TBC1D14: variants seen among roughly 807,000 people sequenced by gnomAD.
The protein encoded by TBC1D14 is TBC1 domain family, member 14.
In TBC1D14, 26 loss-of-function variants were observed where a neutral mutation model predicts 79.0. The observed-to-expected ratio is 0.33, with a 90% CI of 0.24 to 0.46. The LOEUF is 0.46. Among genes scored for constraint, TBC1D14 ranks in the 20% least tolerant of loss-of-function variants. TBC1D14 has a pLI of 1.00. For missense variants in TBC1D14, 769 were observed against 887.6 expected (o/e 0.87, Z 1.70); for synonymous variants, 394 against 349.9 (o/e 1.13, Z -1.40).
intron 1 of TBC1D14, among the ~76,000 whole-genome samples, chr4:6,919,845 T>G (rs1424724516): frequency 6.6e-6 from 1 of 152,158 alleles, no homozygotes; most frequent in Non-Finnish European, 1.5e-5. Flanking sequence ...GGTCTCAAAC[T>G]CCTGACTTCG....
chr4:7,002,944 T>G (rs987484839), intron 7 of TBC1D14, among the ~76,000 whole-genome samples: 1 of 152,140 alleles, frequency 6.6e-6, no homozygotes, highest in Non-Finnish European at 1.5e-5. Context: ...TGTGCCCAGG[T>G]CTCTGGCTCG....
At chr4:6,947,908 C>A (rs972294711) in intron 2 of TBC1D14, among the ~76,000 whole-genome samples, 3 of 152,064 alleles carry the variant, frequency 2.0e-5, no homozygotes, top group Non-Finnish European at 4.4e-5. Context: ...TTATGTCAGA[C>A]CTTGGGGATA....
At chr4:7,029,741 C>T (rs1357369796) in intron 13 of TBC1D14, among the ~76,000 whole-genome samples, 2 of 152,230 alleles carry the variant, frequency 1.3e-5, no homozygotes, top group African/African-American at 4.8e-5. Context: ...AGAAGAATCT[C>T]TTGAACCCGG....
chr4:6,999,892 C>T (rs1329214017), intron 6 of TBC1D14, among the ~76,000 whole-genome samples: 1 of 152,116 alleles, frequency 6.6e-6, no homozygotes, highest in Non-Finnish European at 1.5e-5. Flanking sequence ...CTCTTTACAT[C>T]TGAGGGGCAG....
chr4:6,999,128 A>T lies in TBC1D14; in HGVS notation c.1089A>T (p.Arg363Ser), dbSNP rs756692114. The change falls in exon 6 of 14, where the codon AGA becomes AGT. Residue 363 changes from arginine (R) to serine (S), a missense_variant. By Grantham distance (110) the Arg-to-Ser change is moderately radical (BLOSUM62 -1). Coordinates refer to ENST00000409757, the MANE Select transcript of TBC1D14 (RefSeq NM_020773.3). Reference sequence around the variant, plus strand: ...GAAGGAAGAAGCAGCTGGAAGAAAGATGCAGAGTCGAGGAAAGCATTGGAA... The same window carrying T: ...GAAGGAAGAAGCAGCTGGAAGAAAGTTGCAGAGTCGAGGAAAGCATTGGAA... ...AQRRKKQLEERCRVEESIGNA... is the reference protein window; with the variant it reads ...AQRRKKQLEESCRVEESIGNA... 7 of 1,614,208 alleles carry T rather than the reference A, an allele frequency of 4.3e-6. No individual in the cohort carries two copies. The highest frequency in any genetic ancestry group is 5.9e-6 in the Non-Finnish European group (7 of 1,180,022).
chr4:6,933,240 T>C lies in TBC1D14; in HGVS notation c.722+9129T>C, dbSNP rs1289349499. ...TGTGTAAGGCTCATTGAGAATTACC[T>C]CCCCTCCCCTCCCCTCCCCTCCCCT... On this transcript the variant is annotated intron_variant, in intron 2 of 13. Transcript: ENST00000409757. Among the ~76,000 whole-genome samples the C allele has an allele frequency of 1.2e-3, 12 of 10,294 alleles. 1 individual carries two copies. The highest frequency in any genetic ancestry group is 9.0e-3 in the East Asian group (3 of 334). 6.8% of individuals were successfully genotyped at this position (10,294 alleles called of 152,430 possible).
At chr4:7,029,980 G>A (rs561514939) in intron 13 of TBC1D14, among the ~76,000 whole-genome samples, 1 of 152,332 alleles carries the variant, frequency 6.6e-6, no homozygotes, top group Admixed American at 6.5e-5. Flanking sequence ...GGTGGCAGGA[G>A]TGCAGCGGGA....
intron 12 of TBC1D14, among the ~76,000 whole-genome samples, chr4:7,024,127 C>T (rs1713330477): frequency 6.6e-6 from 1 of 152,168 alleles, no homozygotes; most frequent in Non-Finnish European, 1.5e-5. Flanking sequence ...GAACCCATGC[C>T]CCTGTCACTT....
At chr4:7,024,854 C>A in intron 12 of TBC1D14, 150 bp from the exon 13 acceptor site, 1 of 970,266 alleles carries the variant, frequency 1.0e-6, no homozygotes, top group Non-Finnish European at 1.6e-6. Context: ...TAGAATTACC[C>A]TTCAGTGTGA....
In TBC1D14 at chr4:6,940,441, G is replaced by C. The variant is rs190349398; in HGVS notation, c.722+16330G>C. Among the ~76,000 whole-genome samples the C allele has an allele frequency of 2.7e-3, 404 of 152,288 alleles. 3 individuals carry two copies. The highest frequency in any genetic ancestry group is 8.3e-3 in the African/African-American group (344 of 41,558). On this transcript the variant is annotated intron_variant, in intron 2 of 13. Coordinates refer to ENST00000409757, the MANE Select transcript of TBC1D14 (RefSeq NM_020773.3). ...CAGAAAGAACCGCCCTCAGGGCTCC[G>C]GGGAAGGGGAAGGAAACCCAGGCCA...
intron 11 of TBC1D14, among the ~76,000 whole-genome samples, chr4:7,013,923 G>A (rs928210739): frequency 4.6e-5 from 7 of 152,136 alleles, no homozygotes; most frequent in East Asian, 1.9e-4. Flanking sequence ...TTTCGTTTTC[G>A]TATTTTTAAT....
At chr4:7,016,627 A>T (rs368386894) in intron 12 of TBC1D14, among the ~76,000 whole-genome samples, 1 of 152,248 alleles carries the variant, frequency 6.6e-6, no homozygotes, top group East Asian at 1.9e-4. Flanking sequence ...TTGTGACCCA[A>T]TGTGTGCAGA....
At chr4:6,998,376 G>A (rs1183117792) in intron 5 of TBC1D14, among the ~76,000 whole-genome samples, 1 of 147,682 alleles carries the variant, frequency 6.8e-6, no homozygotes, top group East Asian at 2.0e-4. Context: ...AAAAAAAAAA[G>A]CAGTGCTCGA....
chr4:6,981,503 C>T (rs182926299), intron 3 of TBC1D14, among the ~76,000 whole-genome samples: 41 of 152,296 alleles, frequency 2.7e-4, no homozygotes, highest in Admixed American at 1.8e-3. Context: ...GAGAAGAAGA[C>T]GGAGTACGTA....
At chr4:6,940,833 G>A (rs922821069) in intron 2 of TBC1D14, among the ~76,000 whole-genome samples, 1 of 152,184 alleles carries the variant, frequency 6.6e-6, no homozygotes. Flanking sequence ...GCTGTGCTTG[G>A]GAAGTGCCTG....
At chr4:6,987,124 C>G in intron 3 of TBC1D14, 3 of 1,191,438 alleles carry the variant, frequency 2.5e-6, no homozygotes, top group Non-Finnish European at 2.1e-6. Context: ...GCCCCGCCCC[C>G]TTGGGAGTCT....
chr4:7,008,983 A>G (rs751895063), intron 9 of TBC1D14, among the ~76,000 whole-genome samples: 1 of 151,824 alleles, frequency 6.6e-6, no homozygotes, highest in African/African-American at 2.4e-5. Context: ...TCTCATTGCT[A>G]TTTTTCCTTT....
At chr4:6,978,731 GATCA>G (rs746572112) in intron 3 of TBC1D14, among the ~76,000 whole-genome samples, 203 of 111,852 alleles carry the variant, frequency 1.8e-3, no homozygotes, top group Non-Finnish European at 2.5e-3. Context: ...ACCCAAGAAT[GATCA>G]ATTAAAAAAA....
chr4:6,937,095 T>A (rs954033602), intron 2 of TBC1D14, among the ~76,000 whole-genome samples: 4 of 152,210 alleles, frequency 2.6e-5, no homozygotes, highest in Non-Finnish European at 4.4e-5. Context: ...TTTTGTATTT[T>A]TAGTAGAGAT....
Sources: allele counts gnomAD v4.1 joint callset (sites outside exome capture counted in the v4.1 genomes callset), GRCh38; gene constraint gnomAD v4.1.1; transcripts MANE v1.5; gene names NCBI Gene and HGNC (gene_info 2026-07-23, HGNC 2026-07-21).